The following RABGEF1 variants were observed in gnomAD, a reference collection of about 807,000 sequenced individuals.
RABGEF1 encodes rab5 GDP/GTP exchange factor.
Under a neutral mutation model 57.3 loss-of-function variants are expected in RABGEF1, and 26 were observed. That is an observed-to-expected ratio of 0.45 (90% CI 0.33 to 0.63). The LOEUF (loss-of-function observed/expected upper bound fraction) is 0.63, where lower values mean the gene tolerates loss of function less well. RABGEF1 is among the 20% of genes least tolerant of loss of function. The pLI, the probability that RABGEF1 is intolerant of heterozygous loss-of-function variation, is 0.02. For synonymous variants in RABGEF1, 185 were observed against 210.7 expected, an observed-to-expected ratio of 0.88 and a Z score of 1.06; for missense variants, 464 against 607.6, an observed-to-expected ratio of 0.76 and a Z score of 2.48.
At chr7:66,745,597 G>A (rs1348700609) in intron 1 of RABGEF1, among the ~76,000 whole-genome samples, 7 of 151,914 alleles carry the variant, frequency 4.6e-5, no homozygotes, top group East Asian at 1.9e-4. Context: ...GCAAAACTCC[G>A]TCTCTACTAA....
chr7:66,703,477 T>C (rs954983165), intron 1 of RABGEF1, among the ~76,000 whole-genome samples: 8 of 152,214 alleles, frequency 5.3e-5, no homozygotes, highest in African/African-American at 1.9e-4. Context: ...TAAAGATACA[T>C]GAGGTGGGGT....
rs1789244057 is a variant in RABGEF1, at chr7:66,810,062, T to C, written c.*778T>C. ...TTCTAGCTTATTTTTCCCTCATTCA[T>C]TCAGCAAATCTCTATTGAGTTCTTC... On this transcript the variant is annotated 3_prime_UTR_variant, in exon 9 of 9. Coordinates refer to ENST00000284957, the MANE Select transcript of RABGEF1 (RefSeq NM_014504.3). 1 of 152,214 alleles carries C rather than the reference T, an allele frequency of 6.6e-6. No homozygotes were observed. The highest frequency in any genetic ancestry group is 6.5e-5 in the Admixed American group (1 of 15,276). 9.4% of individuals were successfully genotyped at this position (152,214 alleles called of 1,614,324 possible).
rs1276430544 is a variant in RABGEF1, at chr7:66,769,287, A to G, written c.-17-2596A>G. ...TGTCCAGATTTGATAGCTGGATGAA[A>G]TCTGTGAGGCCTCTCTCCCCAGCAA... On this transcript the variant is annotated intron_variant, in intron 1 of 8. Coordinates refer to ENST00000284957, the MANE Select transcript of RABGEF1 (RefSeq NM_014504.3). Among the ~76,000 whole-genome samples, 3 of 152,212 alleles carry G rather than the reference A, an allele frequency of 2.0e-5. No homozygotes were observed. The South Asian group carries it at 6.2e-4, about 32-fold the overall frequency.
At chr7:66,676,914 T>TA in the RABGEF1 span, among the ~76,000 whole-genome samples, 2 of 152,330 alleles carry the variant, frequency 1.3e-5, no homozygotes, top group South Asian at 2.1e-4. Context: ...GCACAAAAGT[T>TA]AAAAAACTAC....
chr7:66,794,084 G>A (rs1004017622), intron 4 of RABGEF1, among the ~76,000 whole-genome samples: 8 of 152,026 alleles, frequency 5.3e-5, no homozygotes, highest in African/African-American at 1.9e-4. Flanking sequence ...CCTAGTGATG[G>A]TTGCTAAAAA....
chr7:66,701,343 A>T (rs1391642816), intron 1 of RABGEF1, among the ~76,000 whole-genome samples: 1 of 152,070 alleles, frequency 6.6e-6, no homozygotes, highest in Non-Finnish European at 1.5e-5. Context: ...CTGCAAAAAA[A>T]TTTAAAAAAT....
intron 1 of RABGEF1, among the ~76,000 whole-genome samples, chr7:66,751,449 A>T (rs944361592): frequency 6.6e-6 from 1 of 152,216 alleles, no homozygotes; most frequent in Admixed American, 6.5e-5. Flanking sequence ...GTTTTTAGTT[A>T]TCTGAATGTG....
the RABGEF1 span, among the ~76,000 whole-genome samples, chr7:66,662,824 C>G: frequency 6.6e-6 from 1 of 151,564 alleles, no homozygotes; most frequent in Non-Finnish European, 1.5e-5. Flanking sequence ...TGTGCGTGTG[C>G]AGGCATGTGT....
the RABGEF1 span, among the ~76,000 whole-genome samples, chr7:66,668,122 G>A: frequency 6.6e-6 from 1 of 152,070 alleles, no homozygotes; most frequent in East Asian, 1.9e-4. Context: ...TTTAGAGACA[G>A]GGTTTTGCTC....
intron 1 of RABGEF1, among the ~76,000 whole-genome samples, chr7:66,766,468 T>C (rs1309711392): frequency 6.6e-6 from 1 of 152,212 alleles, no homozygotes; most frequent in African/African-American, 2.4e-5. Context: ...CTTTTCTTTT[T>C]TTCTACTTGT....
At chr7:66,749,895 A>C (rs1042018897) in intron 1 of RABGEF1, among the ~76,000 whole-genome samples, 2 of 152,192 alleles carry the variant, frequency 1.3e-5, no homozygotes, top group African/African-American at 4.8e-5. Context: ...AATCGCTGGA[A>C]CCTGGGAGGC....
intron 1 of RABGEF1, among the ~76,000 whole-genome samples, chr7:66,759,201 C>T (rs1334064960): frequency 2.6e-5 from 4 of 152,198 alleles, no homozygotes; most frequent in South Asian, 2.1e-4. Flanking sequence ...CCCCAGGTTT[C>T]GTAATTCGTT....
intron 2 of RABGEF1, among the ~76,000 whole-genome samples, chr7:66,724,874 G>C (rs1796428422): frequency 6.6e-6 from 1 of 152,134 alleles, no homozygotes; most frequent in African/African-American, 2.4e-5. Context: ...TGGTGCTTTA[G>C]TTTAGATAGA....
At chr7:66,743,097 C>T (rs1218985584) in intron 1 of RABGEF1, among the ~76,000 whole-genome samples, 1 of 152,036 alleles carries the variant, frequency 6.6e-6, no homozygotes, top group Non-Finnish European at 1.5e-5. Flanking sequence ...ATCACGAGGT[C>T]AGGAGTTTGA....
intron 1 of RABGEF1, among the ~76,000 whole-genome samples, chr7:66,745,367 A>G (rs1799961780): frequency 6.6e-6 from 1 of 152,178 alleles, no homozygotes; most frequent in African/African-American, 2.4e-5. Flanking sequence ...TCTCTAGCAG[A>G]GATGACCTAT....
intron 1 of RABGEF1, among the ~76,000 whole-genome samples, chr7:66,693,331 T>G (rs758232123): frequency 9.2e-5 from 14 of 152,326 alleles, no homozygotes; most frequent in South Asian, 6.2e-4. Flanking sequence ...ATTTCCCCTT[T>G]ATTGCAAACA....
At chr7:66,777,432 C>T (rs1271580425) in intron 3 of RABGEF1, among the ~76,000 whole-genome samples, 2 of 151,312 alleles carry the variant, frequency 1.3e-5, no homozygotes, top group African/African-American at 2.4e-5. Flanking sequence ...TTCAGAAGCC[C>T]AGGTTATTTA....
the RABGEF1 span, among the ~76,000 whole-genome samples, chr7:66,656,731 A>G: frequency 6.6e-6 from 1 of 151,510 alleles, no homozygotes; most frequent in South Asian, 2.1e-4. Context: ...GAGGCAGGAG[A>G]ATTGCTTGAA....
intron 1 of RABGEF1, among the ~76,000 whole-genome samples, chr7:66,685,303 G>A (rs989902445): frequency 6.6e-6 from 1 of 151,874 alleles, no homozygotes; most frequent in African/African-American, 2.4e-5. Flanking sequence ...ATAGGCACTC[G>A]CCACCATGCC....
Sources: gnomAD v4.1 joint callset for allele counts (sites outside exome capture counted in the v4.1 genomes callset) on GRCh38, gnomAD v4.1.1 for gene constraint, MANE v1.5 for transcripts, NCBI Gene and HGNC (gene_info 2026-07-23, HGNC 2026-07-21) for gene names.